The following FAM210A variants were observed in gnomAD, a reference collection of about 807,000 sequenced individuals.
The protein encoded by FAM210A is family with sequence similarity 210 member A.
In FAM210A, 13 loss-of-function variants were observed where a neutral mutation model predicts 25.3. The ratio of observed to expected loss-of-function variants is 0.51; its 90% confidence interval spans 0.33 to 0.82. The LOEUF is 0.82. Ranked by LOEUF, FAM210A falls within the 40% of genes least tolerant of loss-of-function variation. FAM210A has a pLI of 0.02. For synonymous variants in FAM210A, 125 were observed against 118.7 expected (o/e 1.05, Z -0.35); for missense variants, 319 against 323.2 (o/e 0.99, Z 0.10).
At position 13,682,089 on chromosome 18, in the gene FAM210A, T is replaced by G. The variant is rs904849603; in HGVS notation, c.-12A>C. Reference sequence around the variant, plus strand: ...ACATTCCATTGCATTTTGAAGAGTGTTGATAGGTTTCAGCTTCTACAAAGA... The same window carrying G: ...ACATTCCATTGCATTTTGAAGAGTGGTGATAGGTTTCAGCTTCTACAAAGA... On this transcript the variant is annotated 5_prime_UTR_variant, in exon 2 of 4. Transcript: ENST00000651643. 6.5e-7 allele frequency: 1 copy of G among 1,550,166 alleles called. No homozygotes were observed. The highest frequency in any genetic ancestry group is 8.7e-7 in the Non-Finnish European group (1 of 1,149,858).
rs147538636 is a variant in FAM210A, at chr18:13,681,760, C to T, written c.318G>A (p.Pro106=). Residue 106 remains proline (P), a synonymous_variant, in exon 2 of 4, where the codon CCG becomes CCA. Transcript: ENST00000651643. The part of the protein sequence containing the change: ...FSSSATAQGT[P]EKKEEPDPLQ... ...AAGGATCAGGCTCTTCCTTTTTTTC[C>T]GGAGTTCCCTGAGCTGTGGCACTGG... 42 of 1,613,656 alleles carry T rather than the reference C, an allele frequency of 2.6e-5. No homozygotes were observed. In the African/African-American group the frequency reaches 3.7e-4, roughly 14 times the overall value.
At chr18:13,688,463 A>AC (rs57544200) in intron 1 of FAM210A, among the ~76,000 whole-genome samples, 135,536 of 152,188 alleles carry the variant, frequency 0.89, 60,458 homozygotes, top group East Asian at 0.95. Flanking sequence ...CAGAGAGGCA[A>AC]TTAATTTCAG....
rs754480188 is a variant in FAM210A at position 13,666,561 on chromosome 18, T to C, written c.738A>G (p.Lys246=). 1.1e-5 allele frequency: 17 copies of C among 1,614,114 alleles called. No individual in the cohort carries two copies. Among genetic ancestry groups the C allele is most frequent in the African/African-American group, 2.7e-5 (2 of 74,930 alleles). Residue 246 remains lysine, a synonymous_variant, in exon 4 of 4, where the codon AAA becomes AAG. Coordinates refer to ENST00000651643, the MANE Select transcript of FAM210A (RefSeq NM_152352.4). ...TGAGTCTATCTTTTGTTTCTTCCATTTTCTCTGTGATAAGCTCCTTTGTCT... is the reference window on the plus strand; with the variant it reads ...TGAGTCTATCTTTTGTTTCTTCCATCTTCTCTGTGATAAGCTCCTTTGTCT... ...MEETKELITE[K]MEETKDRLTE... is the part of the protein sequence containing the mutation.
rs78358149 is a variant in FAM210A, at chr18:13,706,068, G to A, written c.-29+20261C>T. Reference sequence around the variant, plus strand: ...GACTGAATATTCTGAGGACATCAGAGAAAGATTGTCCTTGCTATCCATACT... The same window carrying A: ...GACTGAATATTCTGAGGACATCAGAAAAAGATTGTCCTTGCTATCCATACT... On this transcript the variant is annotated intron_variant, in intron 1 of 3. Transcript: ENST00000651643. Among the ~76,000 whole-genome samples the A allele has an allele frequency of 9.7e-4, 147 of 152,308 alleles. 2 individuals carry two copies. The East Asian group carries it at 0.016, about 17-fold the overall frequency.
In FAM210A at chr18:13,671,621, G is replaced by A. The variant is rs182579736; in HGVS notation, c.585+241C>T. 3.4e-4 allele frequency among the ~76,000 whole-genome samples: 52 copies of A among 151,248 alleles called. 1 individual carries two copies. In the East Asian group the frequency reaches 7.8e-3, roughly 23 times the overall value. The stretch of plus-strand genomic sequence containing the variant: ...GGAGAATCACTTTAACCTGGGAGGC[G>A]GAGGTTGCAGTGAGCCGAGATGGCA... On this transcript the variant is annotated intron_variant, in intron 3 of 3. Coordinates refer to ENST00000651643, the MANE Select transcript of FAM210A (RefSeq NM_152352.4).
chr18:13,710,953 C>A (rs947710595), intron 1 of FAM210A, among the ~76,000 whole-genome samples: 8 of 152,190 alleles, frequency 5.3e-5, no homozygotes, highest in Admixed American at 5.2e-4. Context: ...CAGGAAGAAC[C>A]CACTGGGCAA....
chr18:13,725,934 C>CTAATAAGAA (rs2043941434), intron 1 of FAM210A, among the ~76,000 whole-genome samples: 2 of 152,208 alleles, frequency 1.3e-5, no homozygotes, highest in African/African-American at 4.8e-5. Context: ...CGGTAAGGAC[C>CTAATAAGAA]AGTCTGCCAG....
At chr18:13,703,444 T>A (rs11080681) in intron 1 of FAM210A, among the ~76,000 whole-genome samples, 38,393 of 152,142 alleles carry the variant, frequency 0.25, 5,592 homozygotes, top group Non-Finnish European at 0.34. Flanking sequence ...AGTAAAAGCA[T>A]TGCACTGTCT....
rs1055860516 is a variant in FAM210A at position 13,665,895 on chromosome 18, G to A, written c.*585C>T. ...TCCATTTTTCATTTACGTACAATCA[G>A]TACATCTTATTTACATATATGACTG... On this transcript the variant is annotated 3_prime_UTR_variant, in exon 4 of 4. Coordinates refer to ENST00000651643, the MANE Select transcript of FAM210A (RefSeq NM_152352.4). The A allele has an allele frequency of 1.3e-5, 2 of 152,396 alleles. No homozygotes were observed. Among genetic ancestry groups the A allele is most frequent in the Non-Finnish European group, 2.9e-5 (2 of 68,330 alleles). 9.4% of individuals were successfully genotyped at this position (152,396 alleles called of 1,614,324 possible). A position where few individuals can be genotyped will look rare whatever the true frequency, so the allele number is the denominator to read the frequency against.
Position 13,726,367 on chromosome 18 carries a change from G to T in FAM210A, c.-67C>A. 6.4e-6 allele frequency: 1 copy of T among 155,406 alleles called. No homozygotes were observed. Among genetic ancestry groups the T allele is most frequent in the East Asian group, 1.9e-4 (1 of 5,288 alleles). 9.6% of individuals were successfully genotyped at this position (155,406 alleles called of 1,614,324 possible). A position where few individuals can be genotyped will look rare whatever the true frequency, so the allele number is the denominator to read the frequency against. The stretch of plus-strand genomic sequence containing the variant: ...GGAGCCGCCGCCGCCGCTTCCCGCC[G>T]CGCAGGCTGGACCACAGCTCCTCGG... On this transcript the variant is annotated 5_prime_UTR_variant, in exon 1 of 4. Coordinates refer to ENST00000651643, the MANE Select transcript of FAM210A (RefSeq NM_152352.4).
At chr18:13,697,916 G>A (rs1423250653) in intron 1 of FAM210A, among the ~76,000 whole-genome samples, 1 of 152,134 alleles carries the variant, frequency 6.6e-6, no homozygotes, top group African/African-American at 2.4e-5. Context: ...AAAACACATA[G>A]AGGAACCTTA....
intron 1 of FAM210A, among the ~76,000 whole-genome samples, chr18:13,705,732 G>A (rs560901936): frequency 4.6e-5 from 7 of 152,244 alleles, no homozygotes; most frequent in African/African-American, 1.7e-4. Context: ...TCAGCTTCTC[G>A]AAGTGCCAGG....
chr18:13,700,511 C>G (rs1178441167), intron 1 of FAM210A, among the ~76,000 whole-genome samples: 1 of 152,152 alleles, frequency 6.6e-6, no homozygotes, highest in Non-Finnish European at 1.5e-5. Flanking sequence ...TCTGAAGACC[C>G]CCACCAAGGA....
intron 1 of FAM210A, among the ~76,000 whole-genome samples, chr18:13,721,314 T>C (rs2043896021): frequency 6.6e-6 from 1 of 152,180 alleles, no homozygotes; most frequent in South Asian, 2.1e-4. Flanking sequence ...TGCCAGTTAC[T>C]AGGGGATAGG....
Position 13,666,711 on chromosome 18 carries a change from A to C in FAM210A, c.588T>G (p.Ile196Met). 6.2e-7 allele frequency: 1 copy of C among 1,609,492 alleles called. No homozygotes were observed. Among genetic ancestry groups the C allele is most frequent in the East Asian group, 2.2e-5 (1 of 44,786 alleles). Reference protein sequence around the residue: ...NALTAYALFKIATPARYTVTL... With the variant: ...NALTAYALFKMATPARYTVTL... The stretch of plus-strand genomic sequence containing the variant: ...TCACGGTATACCGAGCAGGTGTTGC[A>C]ATCTTAAGCAAAAAGCAAACAGAGG... The change falls in exon 4 of 4, where the codon ATT becomes ATG. Residue 196 changes from isoleucine to methionine, a missense_variant and splice_region_variant. Physicochemically the swap from Ile to Met is conservative, Grantham distance 10. Coordinates refer to ENST00000651643, the MANE Select transcript of FAM210A (RefSeq NM_152352.4).
At chr18:13,673,859 C>T (rs2043466393) in intron 2 of FAM210A, among the ~76,000 whole-genome samples, 1 of 88,374 alleles carries the variant, frequency 1.1e-5, no homozygotes, top group East Asian at 4.1e-4. Context: ...CATTCCTGAG[C>T]CCTGGCTTCT....
chr18:13,724,563 T>C (rs1005180818), intron 1 of FAM210A, among the ~76,000 whole-genome samples: 1 of 152,170 alleles, frequency 6.6e-6, no homozygotes, highest in African/African-American at 2.4e-5. Context: ...GAGGGAAAAA[T>C]AACACCAATG....
At chr18:13,684,190 T>A (rs1305784239) in intron 1 of FAM210A, among the ~76,000 whole-genome samples, 2 of 150,804 alleles carry the variant, frequency 1.3e-5, no homozygotes, top group African/African-American at 4.9e-5. Flanking sequence ...TGGTGAGGAG[T>A]TCGAGACCAG....
intron 1 of FAM210A, among the ~76,000 whole-genome samples, chr18:13,707,446 A>G (rs1292514400): frequency 6.6e-6 from 1 of 152,254 alleles, no homozygotes; most frequent in Non-Finnish European, 1.5e-5. Context: ...ACATTCTGGC[A>G]TAAGGAGGTA....
Sources: gnomAD v4.1 joint callset for allele counts (sites outside exome capture counted in the v4.1 genomes callset) on GRCh38, gnomAD v4.1.1 for gene constraint, MANE v1.5 for transcripts, NCBI Gene and HGNC (gene_info 2026-07-23, HGNC 2026-07-21) for gene names.